The following ZNF813 variants were observed in gnomAD, a reference collection of about 807,000 sequenced individuals.
ZNF813 encodes zinc finger protein 813.
In ZNF813, 3 loss-of-function variants were observed where a neutral mutation model predicts 7.2. That is an observed-to-expected ratio of 0.42 (90% CI 0.19 to 1.08). The LOEUF (loss-of-function observed/expected upper bound fraction) is 1.08, where lower values mean the gene tolerates loss of function less well. ZNF813 is among the 50% of genes least tolerant of loss of function. ZNF813 has a pLI of 0.30. For synonymous variants in ZNF813, 227 were observed against 256.3 expected, an observed-to-expected ratio of 0.89 and a Z score of 1.09; for missense variants, 714 against 753.3, an observed-to-expected ratio of 0.95 and a Z score of 0.61.
intron 1 of ZNF813, among the ~76,000 whole-genome samples, chr19:53,478,632 G>A (rs1294605137): frequency 6.6e-6 from 1 of 152,066 alleles, no homozygotes; most frequent in African/African-American, 2.4e-5. Context: ...ACAAAAGTTA[G>A]GCAGGCGTGG....
chr19:53,489,433 A>G (rs1600114808), intron 3 of ZNF813, among the ~76,000 whole-genome samples: 1 of 151,820 alleles, frequency 6.6e-6, no homozygotes, highest in South Asian at 2.1e-4. Context: ...GAAACCCTCT[A>G]TCTACTAAAA....
chr19:53,495,668 G>A lies in ZNF813; in HGVS notation c.*3582G>A, dbSNP rs2086483875. 6.6e-6 allele frequency: 1 copy of A among 152,156 alleles called. No homozygotes were observed. Among genetic ancestry groups the A allele is most frequent in the Non-Finnish European group, 1.5e-5 (1 of 68,248 alleles). 9.4% of individuals were successfully genotyped at this position (152,156 alleles called of 1,614,324 possible). On this transcript the variant is annotated 3_prime_UTR_variant, in exon 4 of 4. Coordinates refer to ENST00000396403, the MANE Select transcript of ZNF813 (RefSeq NM_001004301.4). ...TCTACTAAAAATACAAAAATTAGCTGGGTGTGGTGGCGGGTGCTTGTAATC... is the reference window on the plus strand; with the variant it reads ...TCTACTAAAAATACAAAAATTAGCTAGGTGTGGTGGCGGGTGCTTGTAATC...
intron 1 of ZNF813, chr19:53,479,893 C>T (rs1226005194): frequency 5.4e-6 from 5 of 924,020 alleles, no homozygotes; most frequent in Non-Finnish European, 5.3e-6. Context: ...AAAAAGAAGA[C>T]AAATGTGAGG....
intron 2 of ZNF813, among the ~76,000 whole-genome samples, chr19:53,485,587 T>TGTATGTCATGATATACAC (rs571848662): frequency 2.9e-5 from 4 of 139,698 alleles, no homozygotes; most frequent in African/African-American, 1.0e-4. Flanking sequence ...TGTCATGACA[T>TGTATGTCATGATATACAC]ATGTATGTCA....
chr19:53,483,680 A>G, intron 1 of ZNF813, 70 bp from the exon 2 acceptor site: 3 of 1,447,034 alleles, frequency 2.1e-6, no homozygotes, highest in Non-Finnish European at 2.8e-6. Context: ...TCTCCTTTGT[A>G]TGTGTTGTTG....
At chr19:53,469,250 A>T (rs1200477395) in intron 1 of ZNF813, among the ~76,000 whole-genome samples, 7 of 152,088 alleles carry the variant, frequency 4.6e-5, no homozygotes, top group Non-Finnish European at 8.8e-5. Context: ...CTTAGTACAG[A>T]TCAAAATGAA....
At chr19:53,469,696 A>G (rs1316212668) in intron 1 of ZNF813, among the ~76,000 whole-genome samples, 8 of 146,474 alleles carry the variant, frequency 5.5e-5, no homozygotes, top group South Asian at 2.2e-4. Flanking sequence ...AGGAGGAGGG[A>G]TTTGGAGCCA....
chr19:53,482,712 GTTTTTTTT>G (rs869250512), intron 1 of ZNF813, among the ~76,000 whole-genome samples: 1 of 89,090 alleles, frequency 1.1e-5, no homozygotes, highest in Non-Finnish European at 2.1e-5. Flanking sequence ...AATGCTTTTT[GTTTTTTTT>G]TTTTTTTTTT....
rs372029444 is a variant in ZNF813 at position 53,486,650 on chromosome 19, G to T, written c.34G>T (p.Asp12Tyr). 19 of 1,613,910 alleles carry T rather than the reference G, an allele frequency of 1.2e-5. No individual in the cohort carries two copies. In the African/African-American group the frequency reaches 2.4e-4, roughly 20 times the overall value. ...ATTTCAGGGTCTATTGACATTCAGG[G>T]ATGTGGCCATAGAATTCTCTCAGGA... ...ALPQGLLTFR[D>Y]VAIEFSQEEW... The change falls in exon 3 of 4, where the codon GAT (aspartate) becomes TAT (tyrosine). Residue 12 changes from aspartate to tyrosine, a missense_variant. Around this residue, in one of 3 missense-constraint regions of ZNF813, gnomAD observed 29 missense variants for 52.3 expected, o/e 0.55. Transcript: ENST00000396403.
chr19:53,489,535 G>A (rs1239219169), intron 3 of ZNF813, among the ~76,000 whole-genome samples: 2 of 151,968 alleles, frequency 1.3e-5, no homozygotes, highest in African/African-American at 4.8e-5. Context: ...CCAAAAGGTG[G>A]AGGTTGCAGT....
intron 1 of ZNF813, among the ~76,000 whole-genome samples, chr19:53,471,053 GC>G (rs1480624445): frequency 3.9e-5 from 6 of 152,256 alleles, no homozygotes; most frequent in Admixed American, 2.6e-4. Context: ...CTTTCAGGGG[GC>G]CAATCTGTGT....
chr19:53,470,227 T>A (rs2086351558), intron 1 of ZNF813, among the ~76,000 whole-genome samples: 1 of 151,678 alleles, frequency 6.6e-6, no homozygotes, highest in Admixed American at 6.6e-5. Flanking sequence ...CTGGAGCCCA[T>A]TCCTTTGGCT....
intron 1 of ZNF813, among the ~76,000 whole-genome samples, chr19:53,469,039 A>G (rs1173119746): frequency 2.6e-5 from 4 of 152,150 alleles, no homozygotes; most frequent in Admixed American, 6.5e-5. Flanking sequence ...TCCGCAGTGC[A>G]TTGTGTCCCT....
At chr19:53,476,223 C>T (rs887280159) in intron 1 of ZNF813, among the ~76,000 whole-genome samples, 5 of 152,192 alleles carry the variant, frequency 3.3e-5, no homozygotes, top group African/African-American at 1.2e-4. Context: ...TCCCCGATAA[C>T]AGTCCTCTTA....
chr19:53,480,987 A>G (rs1343268999), intron 1 of ZNF813, among the ~76,000 whole-genome samples: 6 of 152,206 alleles, frequency 3.9e-5, no homozygotes, highest in Non-Finnish European at 8.8e-5. Flanking sequence ...CACACTATTT[A>G]TTGGTGATCA....
chr19:53,485,595 T>G (rs906537190), intron 2 of ZNF813, among the ~76,000 whole-genome samples: 14 of 150,368 alleles, frequency 9.3e-5, no homozygotes, highest in East Asian at 2.0e-4. Context: ...CATATGTATG[T>G]CATGATATAT....
intron 1 of ZNF813, among the ~76,000 whole-genome samples, chr19:53,476,410 C>T (rs2086381944): frequency 6.6e-6 from 1 of 151,898 alleles, no homozygotes; most frequent in African/African-American, 2.4e-5. Context: ...GTGGCTGGAT[C>T]ACGAGGTCAG....
At chr19:53,471,788 C>T (rs2617695) in intron 1 of ZNF813, among the ~76,000 whole-genome samples, 1 of 141,246 alleles carries the variant, frequency 7.1e-6, no homozygotes, top group Non-Finnish European at 1.5e-5. Flanking sequence ...CTCCAGCCTG[C>T]GTGACAGAGT....
At chr19:53,476,638 A>T (rs975289170) in intron 1 of ZNF813, among the ~76,000 whole-genome samples, 5 of 151,800 alleles carry the variant, frequency 3.3e-5, no homozygotes, top group Non-Finnish European at 5.9e-5. Flanking sequence ...CAAAAAAAAA[A>T]AAAAAGATTG....
Sources: gnomAD v4.1 joint callset for allele counts (sites outside exome capture counted in the v4.1 genomes callset) on GRCh38, gnomAD v4.1.1 for gene constraint, gnomAD v4.1.1 regional missense constraint, MANE v1.5 for transcripts, NCBI Gene and HGNC (gene_info 2026-07-23, HGNC 2026-07-21) for gene names.